ANK2: variants seen among roughly 807,000 people sequenced by gnomAD.
The protein encoded by ANK2 is ankyrin-2.
In ANK2, 83 loss-of-function variants were observed where a neutral mutation model predicts 360.5. The ratio of observed to expected loss-of-function variants is 0.23; its 90% confidence interval spans 0.19 to 0.28. The LOEUF (loss-of-function observed/expected upper bound fraction) is 0.28, where lower values mean the gene tolerates loss of function less well. Among genes scored for constraint, ANK2 ranks in the 10% least tolerant of loss-of-function variants. The pLI is 1.00. For synonymous variants in ANK2, 1,740 were observed against 1,759.5 expected (o/e 0.99, Z 0.28); for missense variants, 4,201 against 4,795.7 (o/e 0.88, Z 3.66).
chr4:112,991,600 T>TC (rs982106192), intron 2 of ANK2, among the ~76,000 whole-genome samples: 1 of 144,024 alleles, frequency 6.9e-6, no homozygotes, highest in Admixed American at 7.5e-5. Flanking sequence ...CTTTTTTTTT[T>TC]CTTTTCTTTT....
intron 2 of ANK2, among the ~76,000 whole-genome samples, chr4:112,927,397 G>A (rs2092700153): frequency 6.6e-6 from 1 of 152,098 alleles, no homozygotes; most frequent in African/African-American, 2.4e-5. Context: ...CCTTTGGAAT[G>A]GATTTTCCAT....
rs919212543 is a variant in ANK2, at chr4:113,359,226, G to A, written c.10608G>A (p.Arg3536=). The part of the protein sequence containing the change: ...HSVPEDIFDT[R]PIWDESIETL... ...TTCCTGAGGACATCTTTGACACAAGGCCCATTTGGGATGAGTCTATTGAGA... is the reference window on the plus strand; with the variant it reads ...TTCCTGAGGACATCTTTGACACAAGACCCATTTGGGATGAGTCTATTGAGA... The change falls in exon 38 of 46, where the codon AGG becomes AGA. Residue 3536 remains arginine (R), a synonymous_variant. Coordinates refer to ENST00000357077, the MANE Select transcript of ANK2 (RefSeq NM_001148.6). 2.5e-6 allele frequency: 4 copies of A among 1,613,604 alleles called. No individual in the cohort carries two copies. In the African/African-American group the frequency reaches 5.3e-5, roughly 22 times the overall value.
chr4:112,729,687 G>A, the ANK2 span, among the ~76,000 whole-genome samples: 3 of 151,346 alleles, frequency 2.0e-5, no homozygotes, highest in Admixed American at 2.0e-4. Flanking sequence ...GGCGGAGGTT[G>A]CAGGCAGCCA....
At chr4:113,117,097 G>A (rs965621698) in intron 1 of ANK2, 3 of 362,674 alleles carry the variant, frequency 8.3e-6, no homozygotes, top group Non-Finnish European at 1.6e-5. Flanking sequence ...GTAGTGAGTT[G>A]TGGGTGCTGC....
At chr4:112,939,827 A>G (rs1477987597) in intron 2 of ANK2, among the ~76,000 whole-genome samples, 1 of 152,160 alleles carries the variant, frequency 6.6e-6, no homozygotes, top group Non-Finnish European at 1.5e-5. Context: ...ATGAGCTATT[A>G]CTATAAGTAG....
intron 2 of ANK2, among the ~76,000 whole-genome samples, chr4:112,973,055 C>T (rs28509773): frequency 0.066 from 10,044 of 152,016 alleles, 458 homozygotes; most frequent in African/African-American, 0.13. Context: ...TAAAAGACTA[C>T]TTACTGGGAA....
intron 1 of ANK2, among the ~76,000 whole-genome samples, chr4:112,890,207 G>A (rs939277846): frequency 1.4e-4 from 21 of 151,968 alleles, no homozygotes; most frequent in Non-Finnish European, 2.5e-4. Context: ...AAATATTTTT[G>A]TTCTTTCACA....
chr4:112,993,444 G>C (rs927071959), intron 2 of ANK2, among the ~76,000 whole-genome samples: 1 of 151,646 alleles, frequency 6.6e-6, no homozygotes, highest in African/African-American at 2.4e-5. Flanking sequence ...TGGGATTACA[G>C]GTAGCCCGCC....
chr4:113,237,437 AG>A (rs1347106870), intron 6 of ANK2, among the ~76,000 whole-genome samples, 161 bp from the exon 7 acceptor site: 6 of 152,242 alleles, frequency 3.9e-5, no homozygotes. Flanking sequence ...AGAATTTAAA[AG>A]ATAAAATTGT....
chr4:113,373,434 C>T lies in ANK2; in HGVS notation c.11844C>T (p.Asp3948=), dbSNP rs1167408336. Residue 3948 remains aspartate (D), a synonymous_variant, in exon 45 of 46, where the codon GAC becomes GAT. Transcript: ENST00000357077. The stretch of plus-strand genomic sequence containing the variant: ...TAAAGCGTGTTGTATTGAAGAGTGA[C>T]ACCGAGCAGTCAGAGGTGAGACAAC... The part of the protein sequence containing the change: ...KVIKRVVLKS[D]TEQSEDNNE 3 of 1,614,020 alleles carry T rather than the reference C, an allele frequency of 1.9e-6. No individual in the cohort carries two copies. Among genetic ancestry groups the T allele is most frequent in the African/African-American group, 1.3e-5 (1 of 74,920 alleles).
At position 113,336,046 on chromosome 4, in the gene ANK2, G is replaced by A. The variant is rs1176144832; in HGVS notation, c.3580G>A (p.Val1194Ile). ...PEGALTKRIR[V>I]GLQAQPMHSE... ...GGGGGCACTCACCAAGCGGATCCGC[G>A]TAGGCCTGCAGGTATGCCCATGTTA... Residue 1194 changes from valine (V) to isoleucine (I), a missense_variant, in exon 30 of 46, where the codon GTA (valine) becomes ATA (isoleucine). Val to Ile is a conservative substitution (Grantham distance 29). Transcript: ENST00000357077. 1.2e-6 allele frequency: 2 copies of A among 1,613,868 alleles called. No individual in the cohort carries two copies. The highest frequency in any genetic ancestry group is 1.7e-6 in the Non-Finnish European group (2 of 1,179,966).
chr4:112,800,670 T>C, the ANK2 span, among the ~76,000 whole-genome samples: 1 of 152,158 alleles, frequency 6.6e-6, no homozygotes, highest in Non-Finnish European at 1.5e-5. Flanking sequence ...TTCTTTTCTT[T>C]TTTGAGATGG....
At position 113,097,808 on chromosome 4, in the gene ANK2, T is replaced by G. The variant is rs1220886736; in HGVS notation, c.84+47996T>G. Among the ~76,000 whole-genome samples, 5 of 149,438 alleles carry G rather than the reference T, an allele frequency of 3.3e-5. No homozygotes were observed. In the East Asian group the frequency reaches 9.9e-4, roughly 30 times the overall value. On this transcript the variant is annotated intron_variant, in intron 1 of 45. Transcript: ENST00000357077. Reference sequence around the variant, plus strand: ...ATTAGCTCAAAGTAAAAACCCAAAATAGCTATAGATAAATTTTCCTCTTGT... The same window carrying G: ...ATTAGCTCAAAGTAAAAACCCAAAAGAGCTATAGATAAATTTTCCTCTTGT...
intron 26 of ANK2, among the ~76,000 whole-genome samples, chr4:113,328,400 A>G (rs1380679655): frequency 1.3e-5 from 2 of 152,178 alleles, no homozygotes; most frequent in East Asian, 3.8e-4. Flanking sequence ...CTACTCAAAT[A>G]AGAACAATAA....
At chr4:112,857,494 A>G (rs2066729528) in intron 1 of ANK2, among the ~76,000 whole-genome samples, 1 of 152,190 alleles carries the variant, frequency 6.6e-6, no homozygotes, top group Non-Finnish European at 1.5e-5. Context: ...AACTACTGGG[A>G]AATACTCATC....
chr4:113,114,070 A>G (rs1256608934), intron 1 of ANK2, among the ~76,000 whole-genome samples: 1 of 152,158 alleles, frequency 6.6e-6, no homozygotes, highest in African/African-American at 2.4e-5. Flanking sequence ...ATCACACACT[A>G]CGAATGGACT....
At chr4:112,907,458 G>A (rs1385855647) in intron 2 of ANK2, among the ~76,000 whole-genome samples, 1 of 152,154 alleles carries the variant, frequency 6.6e-6, no homozygotes, top group Non-Finnish European at 1.5e-5. Context: ...CAGTGGGCAT[G>A]CAGGATGTGG....
chr4:113,242,930 C>G (rs985973748), intron 9 of ANK2, among the ~76,000 whole-genome samples: 13 of 152,252 alleles, frequency 8.5e-5, no homozygotes, highest in African/African-American at 2.6e-4. Flanking sequence ...CTTACCTTCT[C>G]TGAACTTAGG....
intron 4 of ANK2, chr4:113,217,247 T>G (rs576834021): frequency 2.6e-5 from 4 of 152,300 alleles, no homozygotes; most frequent in Admixed American, 2.6e-4. Context: ...ATTTCCCTTT[T>G]TTCTGTGGCT....
Sources: allele counts gnomAD v4.1 joint callset (sites outside exome capture counted in the v4.1 genomes callset), GRCh38; gene constraint gnomAD v4.1.1; transcripts MANE v1.5; gene names NCBI Gene and HGNC (gene_info 2026-07-23, HGNC 2026-07-21).